Variants in HS3ST5 observed in about 807,000 individuals in gnomAD.
HS3ST5 encodes the protein heparan sulfate-glucosamine 3-sulfotransferase 5.
HS3ST5 carries 10 observed loss-of-function variants against 25.4 expected under a neutral mutation model. The ratio of observed to expected loss-of-function variants is 0.39; its 90% CI spans 0.24 to 0.67. The LOEUF is 0.67. HS3ST5 is among the 30% of genes least tolerant of loss of function. The probability of loss-of-function intolerance (pLI) is 0.44; values close to 1 mark genes in which losing one functional copy is unlikely to be tolerated. For missense variants in HS3ST5, 324 were observed against 420.7 expected (o/e 0.77, Z 2.01); for synonymous variants, 170 against 162.4 (o/e 1.05, Z -0.36).
At chr6:114,142,287 G>A (rs954114755) in intron 3 of HS3ST5, among the ~76,000 whole-genome samples, 3 of 152,150 alleles carry the variant, frequency 2.0e-5, no homozygotes, top group Non-Finnish European at 4.4e-5. Context: ...TTTAAAACAT[G>A]GAAAAAGTCC....
intron 1 of HS3ST5, among the ~76,000 whole-genome samples, chr6:114,314,876 T>G (rs181297303): frequency 6.6e-6 from 1 of 152,306 alleles, no homozygotes; most frequent in East Asian, 1.9e-4. Flanking sequence ...ATTATGTAGG[T>G]CACTAACTGT....
chr6:114,208,762 T>C (rs1281540983), intron 2 of HS3ST5, among the ~76,000 whole-genome samples: 2 of 152,216 alleles, frequency 1.3e-5, no homozygotes, highest in Non-Finnish European at 2.9e-5. Flanking sequence ...CTCTAAGCTT[T>C]AGCTCTCTCA....
chr6:114,255,751 G>A (rs1001665720), intron 1 of HS3ST5, among the ~76,000 whole-genome samples: 1 of 152,200 alleles, frequency 6.6e-6, no homozygotes, highest in Non-Finnish European at 1.5e-5. Context: ...CACAGCCCAA[G>A]CTGTACCTTG....
At chr6:114,092,632 A>G (rs765693877) in intron 3 of HS3ST5, among the ~76,000 whole-genome samples, 2 of 151,678 alleles carry the variant, frequency 1.3e-5, no homozygotes, top group South Asian at 4.2e-4. Context: ...TATATGTTGT[A>G]TACTTGCCAG....
At chr6:114,316,830 G>A (rs1775766300) in intron 1 of HS3ST5, among the ~76,000 whole-genome samples, 1 of 152,160 alleles carries the variant, frequency 6.6e-6, no homozygotes, top group Non-Finnish European at 1.5e-5. Flanking sequence ...AGATTAAAAT[G>A]TTTTAGATTA....
At chr6:114,130,561 CTGT>C (rs989135868) in intron 3 of HS3ST5, among the ~76,000 whole-genome samples, 2 of 152,060 alleles carry the variant, frequency 1.3e-5, no homozygotes, top group African/African-American at 2.4e-5. Context: ...AATACAGACC[CTGT>C]TGTTACAATT....
intron 3 of HS3ST5, among the ~76,000 whole-genome samples, chr6:114,102,320 C>T (rs1775776157): frequency 2.0e-5 from 3 of 152,180 alleles, no homozygotes; most frequent in Non-Finnish European, 4.4e-5. Context: ...GAGGTCTTTG[C>T]CATTCCCAGA....
chr6:114,161,898 A>G (rs1778992059), intron 3 of HS3ST5, among the ~76,000 whole-genome samples: 1 of 152,092 alleles, frequency 6.6e-6, no homozygotes, highest in South Asian at 2.1e-4. Flanking sequence ...CTGGAAAATC[A>G]TATTAACATA....
chr6:114,322,177 T>C (rs1775995381), intron 1 of HS3ST5, among the ~76,000 whole-genome samples: 1 of 152,150 alleles, frequency 6.6e-6, no homozygotes, highest in Non-Finnish European at 1.5e-5. Flanking sequence ...TGCCTGCAAA[T>C]GTATTTCCTG....
intron 3 of HS3ST5, among the ~76,000 whole-genome samples, chr6:114,069,260 G>A (rs1016489904): frequency 6.6e-6 from 1 of 152,044 alleles, no homozygotes; most frequent in African/African-American, 2.4e-5. Flanking sequence ...TTATGAGGTG[G>A]ACAGGAACTA....
At chr6:114,199,238 C>G (rs1426539632) in intron 2 of HS3ST5, among the ~76,000 whole-genome samples, 2 of 152,030 alleles carry the variant, frequency 1.3e-5, no homozygotes, top group African/African-American at 4.8e-5. Context: ...TAAGAAACTA[C>G]AAATTTGACT....
At chr6:114,273,727 G>C (rs1773728516) in intron 1 of HS3ST5, among the ~76,000 whole-genome samples, 1 of 152,028 alleles carries the variant, frequency 6.6e-6, no homozygotes, top group Admixed American at 6.6e-5. Context: ...GATGAGGAAT[G>C]AGAACTGACC....
chr6:114,226,816 T>C (rs889129219), intron 2 of HS3ST5, among the ~76,000 whole-genome samples: 20 of 151,978 alleles, frequency 1.3e-4, no homozygotes, highest in African/African-American at 4.8e-4. Flanking sequence ...CCAATGATAA[T>C]GAACATGATT....
intron 1 of HS3ST5, among the ~76,000 whole-genome samples, chr6:114,249,713 G>A (rs976339843): frequency 6.6e-6 from 1 of 152,206 alleles, no homozygotes; most frequent in Non-Finnish European, 1.5e-5. Context: ...TGGGGAGCCA[G>A]CTAAGTCAAG....
intron 1 of HS3ST5, chr6:114,340,885 A>G (rs1776801203): frequency 6.6e-6 from 1 of 152,138 alleles, no homozygotes; most frequent in Admixed American, 6.5e-5. Flanking sequence ...ACCTTTGAGA[A>G]GCACCAGCTG....
At chr6:114,105,589 G>A (rs774180360) in intron 3 of HS3ST5, among the ~76,000 whole-genome samples, 4 of 152,098 alleles carry the variant, frequency 2.6e-5, no homozygotes, top group Non-Finnish European at 5.9e-5. Flanking sequence ...GAGAAATATT[G>A]TTGTCACCTT....
chr6:114,276,617 A>AT (rs1360807043), intron 1 of HS3ST5, among the ~76,000 whole-genome samples: 2 of 144,748 alleles, frequency 1.4e-5, no homozygotes, highest in African/African-American at 2.5e-5. Flanking sequence ...GTGGGAAAAA[A>AT]AAAAACAAAA....
intron 2 of HS3ST5, among the ~76,000 whole-genome samples, chr6:114,224,554 C>A (rs188208069): frequency 2.0e-5 from 3 of 151,356 alleles, no homozygotes; most frequent in Admixed American, 2.0e-4. Context: ...ACAATAGCTC[C>A]TTTATATCTT....
chr6:114,106,557 T>C (rs1481222027), intron 3 of HS3ST5, among the ~76,000 whole-genome samples: 2 of 152,074 alleles, frequency 1.3e-5, no homozygotes, highest in Non-Finnish European at 2.9e-5. Context: ...TTTTATGCAG[T>C]ACATGAAAAT....
Sources: gnomAD v4.1 joint callset for allele counts (sites outside exome capture counted in the v4.1 genomes callset) on GRCh38, gnomAD v4.1.1 for gene constraint, MANE v1.5 for transcripts, NCBI Gene and HGNC (gene_info 2026-07-23, HGNC 2026-07-21) for gene names.